The following DNASE1L3 variants were observed in gnomAD, a reference collection of about 807,000 sequenced individuals.
DNASE1L3 encodes the protein deoxyribonuclease gamma.
In DNASE1L3, 27 loss-of-function variants were observed where a neutral mutation model predicts 30.9. The observed-to-expected ratio is 0.87, with a 90% CI of 0.64 to 1.20. The LOEUF is 1.20. Among genes scored for constraint, DNASE1L3 ranks in the 50% most tolerant of loss-of-function variants. The probability of loss-of-function intolerance (pLI) is 0.00; values close to 1 mark genes in which losing one functional copy is unlikely to be tolerated. For synonymous variants in DNASE1L3, 135 were observed against 138.0 expected, an observed-to-expected ratio of 0.98 and a Z score of 0.15; for missense variants, 364 against 378.2, an observed-to-expected ratio of 0.96 and a Z score of 0.31.
At position 58,197,434 on chromosome 3, in the gene DNASE1L3, T is replaced by G. The variant is rs574161721; in HGVS notation, c.704+387A>C. On this transcript the variant is annotated intron_variant, in intron 6 of 7. Coordinates refer to ENST00000394549, the MANE Select transcript of DNASE1L3 (RefSeq NM_004944.4). The surrounding 1 kb of genome is among the most constrained non-coding windows in gnomAD (Gnocchi z 5.3). ...TTAATTGACTCAGCTCTGCAAGCAG[T>G]GTGCTTTTCTTATTTTTATTTTTAT... Among the ~76,000 whole-genome samples, 5 of 152,248 alleles carry G rather than the reference T, an allele frequency of 3.3e-5. No homozygotes were observed. The highest frequency in any genetic ancestry group is 6.5e-5 in the Admixed American group (1 of 15,290).
At chr3:58,193,044 G>A (rs191920398) in intron 7 of DNASE1L3, 1 of 1,427,516 alleles carries the variant, frequency 7.0e-7, no homozygotes, top group African/African-American at 1.4e-5. Flanking sequence ...TGTGTCTTCA[G>A]TGGTGACCTC....
intron 2 of DNASE1L3, among the ~76,000 whole-genome samples, chr3:58,206,319 A>T (rs2097403858): frequency 6.6e-6 from 1 of 152,174 alleles, no homozygotes; most frequent in Admixed American, 6.5e-5. Context: ...TCTCAGATTC[A>T]GTTGGAAAAA....
chr3:58,206,470 ACT>A, intron 2 of DNASE1L3, among the ~76,000 whole-genome samples: 1 of 152,110 alleles, frequency 6.6e-6, no homozygotes, highest in Admixed American at 6.5e-5. Context: ...CTTTGGGGAG[ACT>A]GGCCCTATTT....
In DNASE1L3 at chr3:58,193,591, C is replaced by T. The variant is rs9812109; in HGVS notation, c.705-152G>A. 452,413 of 621,880 alleles carry T rather than the reference C, an allele frequency of 0.73. 168,225 individuals carry two copies. The highest frequency in any genetic ancestry group is 1 in the East Asian group (36,384 of 36,422). The allele number at this position is 621,880 out of a possible 1,614,324, so 38.5% of individuals were successfully genotyped here. On this transcript the variant is annotated intron_variant, in intron 6 of 7. Coordinates refer to ENST00000394549, the MANE Select transcript of DNASE1L3 (RefSeq NM_004944.4). ...CAGAGCTGGTTTTAGCCTGTGACCC[C>T]AAAGGACAGTGCCTACAACTGTGAA...
Position 58,210,782 on chromosome 3 carries a change from A to G in DNASE1L3, c.125T>C (p.Met42Thr), listed in dbSNP as rs1275168137. Residue 42 changes from methionine (M) to threonine (T), a missense_variant, in exon 1 of 8, where the codon ATG (methionine) becomes ACG (threonine). Transcript: ENST00000394549. ...GESKQEDKNA[M>T]DVIVKVIKRC... The stretch of plus-strand genomic sequence containing the variant: ...GGGGCTCACCTTCACAATGACATCC[A>G]TGGCATTCTTGTCTTCCTGCTTGCT... The G allele has an allele frequency of 6.2e-7, 1 of 1,614,134 alleles. No homozygotes were observed. Among genetic ancestry groups the G allele is most frequent in the Non-Finnish European group, 8.5e-7 (1 of 1,179,998 alleles).
intron 2 of DNASE1L3, among the ~76,000 whole-genome samples, chr3:58,207,029 G>A (rs186795392): frequency 6.6e-6 from 1 of 152,274 alleles, no homozygotes. Flanking sequence ...TCTTGCTCCT[G>A]CCCAAGACCC....
At chr3:58,210,673 C>A in intron 1 of DNASE1L3, 93 bp downstream of exon 1, 2 of 1,580,204 alleles carry the variant, frequency 1.3e-6, no homozygotes, top group Non-Finnish European at 8.6e-7. Flanking sequence ...CCCCTAAGGG[C>A]CAACTTTAAG....
At chr3:58,194,768 G>A (rs1356361011) in intron 6 of DNASE1L3, among the ~76,000 whole-genome samples, 2 of 151,830 alleles carry the variant, frequency 1.3e-5, no homozygotes, top group African/African-American at 4.8e-5. Context: ...TGGGACTACA[G>A]GTGCCCGGCA....
Position 58,201,078 on chromosome 3 carries a change from G to A in DNASE1L3, c.465C>T (p.His155=). The A allele has an allele frequency of 6.2e-7, 1 of 1,611,216 alleles. No homozygotes were observed. Among genetic ancestry groups the A allele is most frequent in the Non-Finnish European group, 8.5e-7 (1 of 1,178,228 alleles). ...AVKDFVIIPL[H]TTPETSVKEI... ...CCTTAACGGATGTCTCTGGGGTGGT[G>A]TGCAGGGGGATAATCACGAAGTCTT... Residue 155 remains histidine (H), a synonymous_variant, in exon 5 of 8, where the codon CAC becomes CAT. Transcript: ENST00000394549.
chr3:58,208,588 C>A (rs964942706), intron 1 of DNASE1L3, among the ~76,000 whole-genome samples: 2 of 152,122 alleles, frequency 1.3e-5, no homozygotes, highest in East Asian at 3.8e-4. Context: ...AAGCCCAGAG[C>A]CCCTTGCTCA....
intron 4 of DNASE1L3, among the ~76,000 whole-genome samples, chr3:58,201,389 G>A (rs1360539404): frequency 2.6e-5 from 4 of 152,192 alleles, no homozygotes; most frequent in African/African-American, 9.6e-5. Context: ...CCTCTTCAAA[G>A]TTTCCCTTCT....
intron 4 of DNASE1L3, 52 bp from the exon 5 acceptor site, chr3:58,201,161 A>C: frequency 2.4e-4 from 344 of 1,460,090 alleles, no homozygotes; most frequent in Middle Eastern, 5.3e-4. Context: ...TCAAGGTCTC[A>C]TAAACACTGC....
rs907155946 is a variant in DNASE1L3, at chr3:58,192,513, C to A, written c.*174G>T. 3 of 644,504 alleles carry A rather than the reference C, an allele frequency of 4.7e-6. No homozygotes were observed. The highest frequency in any genetic ancestry group is 4.5e-4 in the Middle Eastern group (1 of 2,228). The allele number at this position is 644,504 out of a possible 1,614,324, so 39.9% of individuals were successfully genotyped here. ...AGACAATTCAGGGGAGGTATGAGAC[C>A]AAGAGAGATACAAAAGATTCTCCTT... On this transcript the variant is annotated 3_prime_UTR_variant, in exon 8 of 8. Coordinates refer to ENST00000394549, the MANE Select transcript of DNASE1L3 (RefSeq NM_004944.4). The surrounding 1 kb of genome is among the most constrained non-coding windows in gnomAD (Gnocchi z 4.8).
At chr3:58,210,655 C>T in intron 1 of DNASE1L3, 111 bp downstream of exon 1, 1 of 1,526,732 alleles carries the variant, frequency 6.5e-7, no homozygotes, top group Non-Finnish European at 8.9e-7. Flanking sequence ...AAGCCAGCTT[C>T]TACATTCCCC....
Position 58,192,809 on chromosome 3 carries a change from A to G in DNASE1L3, c.802-6T>C. 2 of 1,610,966 alleles carry G rather than the reference A, an allele frequency of 1.2e-6. No homozygotes were observed. The highest frequency in any genetic ancestry group is 1.7e-6 in the Non-Finnish European group (2 of 1,179,298). On this transcript the variant is annotated splice_region_variant and splice_polypyrimidine_tract_variant and intron_variant, in intron 7 of 7. Coordinates refer to ENST00000394549, the MANE Select transcript of DNASE1L3 (RefSeq NM_004944.4). This position sits in a 1 kb window ranked among gnomAD's most constrained non-coding sequence, Gnocchi z 4.8. Reference sequence around the variant, plus strand: ...TGGTCGCTGACATCCAGGGCCTATAAGGAGAAAGGGGAGGTAGACATGGAA... The same window carrying G: ...TGGTCGCTGACATCCAGGGCCTATAGGGAGAAAGGGGAGGTAGACATGGAA...
At chr3:58,202,276 ACTGGGAT>A (rs1167186425) in intron 4 of DNASE1L3, among the ~76,000 whole-genome samples, 3 of 141,980 alleles carry the variant, frequency 2.1e-5, no homozygotes, top group Non-Finnish European at 4.6e-5. Context: ...CTCCCAAGTA[ACTGGGAT>A]TACAGGCATG....
At chr3:58,206,682 G>A (rs2097404162) in intron 2 of DNASE1L3, among the ~76,000 whole-genome samples, 1 of 152,276 alleles carries the variant, frequency 6.6e-6, no homozygotes, top group South Asian at 2.1e-4. Context: ...GACTGTGGAG[G>A]AGATGACTGG....
intron 4 of DNASE1L3, among the ~76,000 whole-genome samples, chr3:58,201,529 C>T (rs929548599): frequency 4.6e-5 from 7 of 152,244 alleles, no homozygotes; most frequent in Non-Finnish European, 1.0e-4. Context: ...GACATGCTCA[C>T]AGGCACATAG....
intron 4 of DNASE1L3, 89 bp from the exon 5 acceptor site, chr3:58,201,198 G>A (rs1243692322): frequency 4.2e-6 from 4 of 955,098 alleles, no homozygotes; most frequent in Non-Finnish European, 6.2e-6. Context: ...GTCCCCTCCA[G>A]AAGGCACAGG....
Sources: gnomAD v4.1 joint callset for allele counts (sites outside exome capture counted in the v4.1 genomes callset) on GRCh38, gnomAD v4.1.1 for gene constraint, Gnocchi (gnomAD v3.1) non-coding constraint, MANE v1.5 for transcripts, NCBI Gene and HGNC (gene_info 2026-07-23, HGNC 2026-07-21) for gene names.